Variants in GABRG3 observed in about 807,000 individuals in gnomAD.
The protein encoded by GABRG3 is gamma-aminobutyric acid receptor subunit gamma-3.
Under a neutral mutation model 48.8 loss-of-function variants are expected in GABRG3, and 25 were observed. That is an observed-to-expected ratio of 0.51 (90% CI 0.37 to 0.72). GABRG3 has a LOEUF of 0.72. Ranked by LOEUF, GABRG3 falls within the 30% of genes least tolerant of loss-of-function variation. The pLI is 0.00. For missense variants in GABRG3, 394 were observed against 577.9 expected (o/e 0.68, Z 3.26); for synonymous variants, 227 against 217.6 (o/e 1.04, Z -0.38).
At chr15:27,388,090 G>GAA (rs1896016380) in intron 5 of GABRG3, among the ~76,000 whole-genome samples, 6 of 65,182 alleles carry the variant, frequency 9.2e-5, no homozygotes, top group African/African-American at 3.6e-4. Context: ...AGGAAAGGAG[G>GAA]GAGGAAAGGG....
chr15:27,341,868 G>A (rs1032174956), intron 5 of GABRG3, among the ~76,000 whole-genome samples: 8 of 152,336 alleles, frequency 5.3e-5, no homozygotes, highest in South Asian at 2.1e-4. Flanking sequence ...AATATGTGGT[G>A]CTGTTTATCT....
intron 3 of GABRG3, among the ~76,000 whole-genome samples, chr15:27,202,491 G>A (rs1457116256): frequency 1.3e-5 from 2 of 152,128 alleles, no homozygotes; most frequent in African/African-American, 2.4e-5. Flanking sequence ...TAATAGATTG[G>A]CAGGTTGCTT....
chr15:27,102,496 G>T (rs1029960203), intron 3 of GABRG3, among the ~76,000 whole-genome samples: 1 of 152,146 alleles, frequency 6.6e-6, no homozygotes, highest in Non-Finnish European at 1.5e-5. Context: ...ATAAAATCAT[G>T]CTTGGTGACA....
chr15:27,350,314 G>A (rs1384693474), intron 5 of GABRG3: 9 of 379,698 alleles, frequency 2.4e-5, no homozygotes, highest in Non-Finnish European at 4.8e-5. Flanking sequence ...TGTGAATTGG[G>A]AAATCACATT....
intron 5 of GABRG3, among the ~76,000 whole-genome samples, chr15:27,479,651 C>T (rs1890048202): frequency 6.6e-6 from 1 of 152,232 alleles, no homozygotes; most frequent in Non-Finnish European, 1.5e-5. Flanking sequence ...CAGCATAACT[C>T]ATCAAGATGG....
chr15:27,296,448 A>AT (rs1891987517), intron 3 of GABRG3, among the ~76,000 whole-genome samples: 1 of 152,158 alleles, frequency 6.6e-6, no homozygotes, highest in Admixed American at 6.6e-5. Flanking sequence ...TTTATTCCAT[A>AT]GGAATAAATG....
chr15:27,023,686 T>C (rs894694749), intron 2 of GABRG3, among the ~76,000 whole-genome samples: 1 of 152,248 alleles, frequency 6.6e-6, no homozygotes, highest in Admixed American at 6.5e-5. Flanking sequence ...CTATGTATAC[T>C]ACATTTTTTA....
chr15:27,224,098 C>T (rs937701150), intron 3 of GABRG3, among the ~76,000 whole-genome samples: 1 of 152,128 alleles, frequency 6.6e-6, no homozygotes, highest in South Asian at 2.1e-4. Flanking sequence ...ACGTGGAAGC[C>T]GTGGACTGAG....
chr15:27,337,868 T>A (rs1412931990), intron 5 of GABRG3, among the ~76,000 whole-genome samples: 2 of 152,178 alleles, frequency 1.3e-5, no homozygotes, highest in Non-Finnish European at 2.9e-5. Context: ...GCCTTGTGAT[T>A]CAAAAAGTTC....
intron 3 of GABRG3, among the ~76,000 whole-genome samples, chr15:27,115,614 G>T (rs1055310716): frequency 6.6e-6 from 1 of 152,212 alleles, no homozygotes; most frequent in African/African-American, 2.4e-5. Flanking sequence ...CTAAGACTAT[G>T]CAGGTACATT....
chr15:27,000,980 T>C (rs1895435209), intron 2 of GABRG3, among the ~76,000 whole-genome samples: 1 of 152,176 alleles, frequency 6.6e-6, no homozygotes, highest in Admixed American at 6.5e-5. Context: ...TTCATCCTTA[T>C]GGATGGTTTT....
At chr15:27,048,371 C>A (rs1323982703) in intron 3 of GABRG3, among the ~76,000 whole-genome samples, 6 of 152,268 alleles carry the variant, frequency 3.9e-5, no homozygotes, top group African/African-American at 1.4e-4. Flanking sequence ...GCTGACCTCA[C>A]AAGCAGACTA....
Position 27,231,399 on chromosome 15 carries a change from C to CAAAGCTT in GABRG3, c.271-95409_271-95403dup, listed in dbSNP as rs549493464. ...GAGCAGCAAGGTTTTCTTTGCAGAA[C>CAAAGCTT]AAAGCTTGAAGCTTTGAAGCTCCTC... On this transcript the variant is annotated intron_variant, in intron 3 of 9. Transcript: ENST00000615808. 1.6e-4 allele frequency among the ~76,000 whole-genome samples: 24 copies of CAAAGCTT among 152,326 alleles called. No individual in the cohort carries two copies. The South Asian group carries it at 2.7e-3, about 17-fold the overall frequency.
At chr15:27,182,482 A>G (rs1887962680) in intron 3 of GABRG3, among the ~76,000 whole-genome samples, 1 of 152,194 alleles carries the variant, frequency 6.6e-6, no homozygotes, top group Admixed American at 6.5e-5. Context: ...GTAGCAGGAA[A>G]TCAAGCTGAC....
chr15:27,038,507 C>T (rs1000570993), intron 3 of GABRG3, among the ~76,000 whole-genome samples: 12 of 152,190 alleles, frequency 7.9e-5, no homozygotes, highest in African/African-American at 2.7e-4. Flanking sequence ...GACACTGGTG[C>T]TGCTCACCAC....
At chr15:27,126,530 A>T (rs2140379748) in intron 3 of GABRG3, among the ~76,000 whole-genome samples, 1 of 152,300 alleles carries the variant, frequency 6.6e-6, no homozygotes, top group East Asian at 1.9e-4. Context: ...CGCCATGGCC[A>T]ACTGGCTGGG....
chr15:27,258,019 T>A (rs2140464502), intron 3 of GABRG3, among the ~76,000 whole-genome samples: 1 of 152,274 alleles, frequency 6.6e-6, no homozygotes, highest in African/African-American at 2.4e-5. Flanking sequence ...GCTATTTATA[T>A]TTAAAGAACA....
chr15:27,404,943 C>T (rs1351002001), intron 5 of GABRG3, among the ~76,000 whole-genome samples: 1 of 152,196 alleles, frequency 6.6e-6, no homozygotes, highest in East Asian at 1.9e-4. Context: ...GGTATGTCCT[C>T]GCAAGTCAGG....
At chr15:27,491,252 C>T (rs1890347360) in intron 6 of GABRG3, among the ~76,000 whole-genome samples, 1 of 152,220 alleles carries the variant, frequency 6.6e-6, no homozygotes, top group African/African-American at 2.4e-5. Flanking sequence ...TCGGGGCTCC[C>T]CTTCCCAGAG....
Sources: allele counts gnomAD v4.1 joint callset (sites outside exome capture counted in the v4.1 genomes callset), GRCh38; gene constraint gnomAD v4.1.1; transcripts MANE v1.5; gene names NCBI Gene and HGNC (gene_info 2026-07-23, HGNC 2026-07-21).